Variants in PM20D2 observed in about 807,000 individuals in gnomAD.
PM20D2 encodes the protein xaa-Arg dipeptidase.
In PM20D2, 33 loss-of-function variants were observed where a neutral mutation model predicts 42.9. The observed-to-expected ratio is 0.77, with a 90% confidence interval of 0.58 to 1.03. The LOEUF (loss-of-function observed/expected upper bound fraction) is 1.03, where lower values mean the gene tolerates loss of function less well. PM20D2 is among the 50% of genes least tolerant of loss of function. The probability of loss-of-function intolerance (pLI) is 0.00; values close to 1 mark genes in which losing one functional copy is unlikely to be tolerated. For synonymous variants in PM20D2, 250 were observed against 228.2 expected (o/e 1.10, Z -0.86); for missense variants, 548 against 557.0 (o/e 0.98, Z 0.16).
chr6:89,152,969 AATTCTGACTACCTGG>A (rs1770904580), intron 2 of PM20D2, 59 bp from the exon 3 acceptor site: 1 of 1,250,752 alleles, frequency 8.0e-7, no homozygotes, highest in Admixed American at 2.5e-5. Context: ...GTAGTTGGGT[AATTCTGACTACCTGG>A]ATTTTCTTAC....
chr6:89,146,239 A>C lies in PM20D2; in HGVS notation c.95A>C (p.Asp32Ala), dbSNP rs767997878. 1.9e-6 allele frequency: 3 copies of C among 1,580,724 alleles called. No homozygotes were observed. The highest frequency in any genetic ancestry group is 2.6e-6 in the Non-Finnish European group (3 of 1,171,220). Residue 32 changes from aspartate (D) to alanine (A), a missense_variant, in exon 1 of 7, where the codon GAC becomes GCC. Around this residue, in one of 3 missense-constraint regions of PM20D2, gnomAD observed 470 missense variants for 464.4 expected, o/e 1.01. Coordinates refer to ENST00000275072, the MANE Select transcript of PM20D2 (RefSeq NM_001010853.3). ...AAGCTGCGCTCGGCGGAGTGCATCG[A>C]CGAGGCGGCCGAGCGGCTGGGGGCC... ...LLKLRSAECI[D>A]EAAERLGALS...
intron 2 of PM20D2, among the ~76,000 whole-genome samples, chr6:89,150,814 A>G (rs1283779972): frequency 6.7e-6 from 1 of 149,034 alleles, no homozygotes; most frequent in Non-Finnish European, 1.5e-5. Context: ...TGCTGGGGTT[A>G]CAGGCATGAG....
chr6:89,142,728 G>A (rs1349119442), upstream of PM20D2, among the ~76,000 whole-genome samples: 1 of 152,060 alleles, frequency 6.6e-6, no homozygotes, highest in African/African-American at 2.4e-5. Context: ...CGCGATCTCG[G>A]CTCACTGCAA....
chr6:89,164,720 A>G lies in PM20D2; in HGVS notation c.*2457A>G, dbSNP rs1771352639. On this transcript the variant is annotated 3_prime_UTR_variant, in exon 7 of 7. Transcript: ENST00000275072. ...GGAAATTGTAGAAAACTGAAAGAAA[A>G]CAAGACAAAATGTCTATGGTAGGGA... 6.6e-6 allele frequency: 1 copy of G among 152,482 alleles called. No homozygotes were observed. Among genetic ancestry groups the G allele is most frequent in the Non-Finnish European group, 1.5e-5 (1 of 67,978 alleles). 9.4% of individuals were successfully genotyped at this position (152,482 alleles called of 1,614,324 possible). A position where few individuals can be genotyped will look rare whatever the true frequency, so the allele number is the denominator to read the frequency against.
chr6:89,163,350 A>AT lies in PM20D2; in HGVS notation c.*1094dup, dbSNP rs1257873155. 9 of 151,986 alleles carry AT rather than the reference A, an allele frequency of 5.9e-5. No individual in the cohort carries two copies. In the East Asian group the frequency reaches 1.7e-3, roughly 29 times the overall value. The allele number at this position is 151,986 out of a possible 1,614,324, so 9.4% of individuals were successfully genotyped here. A position where few individuals can be genotyped will look rare whatever the true frequency, so the allele number is the denominator to read the frequency against. ...AAACCTCTTTTTTAAAAAAATTTTT[A>AT]TTTTTTTACATAATAGAGACAGGGG... On this transcript the variant is annotated 3_prime_UTR_variant, in exon 7 of 7. Transcript: ENST00000275072.
At chr6:89,155,142 C>G (rs1491004370) in intron 4 of PM20D2, among the ~76,000 whole-genome samples, 1 of 150,618 alleles carries the variant, frequency 6.6e-6, no homozygotes. Flanking sequence ...TCTGATACTT[C>G]TATGCTAGAA....
chr6:89,154,270 G>T (rs939916862), intron 3 of PM20D2, among the ~76,000 whole-genome samples: 7 of 152,026 alleles, frequency 4.6e-5, no homozygotes, highest in African/African-American at 1.7e-4. Context: ...AATACTTAGT[G>T]ATCTTTGACC....
chr6:89,117,747 C>T, the PM20D2 span: 1 of 1,417,418 alleles, frequency 7.1e-7, no homozygotes, highest in Non-Finnish European at 9.3e-7. Flanking sequence ...CTCCGCCGGG[C>T]CTCGGCCGTG....
At chr6:89,158,259 G>A in intron 4 of PM20D2, 66 bp from the exon 5 acceptor site, 1 of 1,407,948 alleles carries the variant, frequency 7.1e-7, no homozygotes, top group Non-Finnish European at 9.7e-7. Flanking sequence ...AACAATCACT[G>A]GTTTGAAAAT....
chr6:89,140,194 T>G, the PM20D2 span, among the ~76,000 whole-genome samples: 1 of 152,184 alleles, frequency 6.6e-6, no homozygotes, highest in Non-Finnish European at 1.5e-5. Context: ...GCAATCCTCT[T>G]GCCTTGGCCT....
the PM20D2 span, among the ~76,000 whole-genome samples, chr6:89,099,737 G>A: frequency 4.0e-3 from 604 of 152,098 alleles, 10 homozygotes; most frequent in African/African-American, 0.014. Context: ...ATTTCTCCAT[G>A]TTGGTCAGGC....
At position 89,146,474 on chromosome 6, in the gene PM20D2, C is replaced by T. The variant is rs1582329164; in HGVS notation, c.330C>T (p.Phe110=). 6.6e-7 allele frequency: 1 copy of T among 1,524,284 alleles called. No individual in the cohort carries two copies. Among genetic ancestry groups the T allele is most frequent in the Non-Finnish European group, 8.7e-7 (1 of 1,143,150 alleles). 94.4% of individuals were successfully genotyped at this position (1,524,284 alleles called of 1,614,324 possible). The change falls in exon 1 of 7, where the codon TTC becomes TTT. Residue 110 remains phenylalanine (F), a synonymous_variant. Transcript: ENST00000275072. ...CGCCACGCCCGCTGCACCTGGGCTT[C>T]CTCTGCGAGTACGACGCGCTGCCCG... ...SATPRPLHLG[F]LCEYDALPGI... is the part of the protein sequence containing the mutation.
rs536504865 is a variant in PM20D2, at chr6:89,146,300, C to T, written c.156C>T (p.Ala52=). The change falls in exon 1 of 7, where the codon GCC becomes GCT. Residue 52 remains alanine, a synonymous_variant. Coordinates refer to ENST00000275072, the MANE Select transcript of PM20D2 (RefSeq NM_001010853.3). ...SRAIWSQPEL[A]YEEHHAHRVL... ...CGATCTGGAGCCAGCCCGAGCTGGCCTACGAGGAGCACCATGCCCACCGCG... is the reference window on the plus strand; with the variant it reads ...CGATCTGGAGCCAGCCCGAGCTGGCTTACGAGGAGCACCATGCCCACCGCG... 6.3e-7 allele frequency: 1 copy of T among 1,581,956 alleles called. No individual in the cohort carries two copies. The highest frequency in any genetic ancestry group is 1.4e-5 in the African/African-American group (1 of 74,062).
the PM20D2 span, among the ~76,000 whole-genome samples, chr6:89,123,781 T>C: frequency 6.6e-6 from 1 of 150,474 alleles, no homozygotes; most frequent in Non-Finnish European, 1.5e-5. Context: ...GGCTCATGCC[T>C]GTAATCCCCG....
At chr6:89,124,740 T>TTTTTTTG in the PM20D2 span, among the ~76,000 whole-genome samples, 17 of 140,538 alleles carry the variant, frequency 1.2e-4, no homozygotes, top group East Asian at 2.0e-3. Context: ...GTTGTTGTTT[T>TTTTTTTG]TTTTTTTTTT....
upstream of PM20D2, among the ~76,000 whole-genome samples, chr6:89,145,264 A>T (rs947265973): frequency 1.5e-4 from 23 of 152,186 alleles, no homozygotes; most frequent in African/African-American, 4.3e-4. Context: ...TAATTAAAAA[A>T]CTCAGTTATA....
chr6:89,131,148 C>G, the PM20D2 span, among the ~76,000 whole-genome samples: 2 of 151,998 alleles, frequency 1.3e-5, no homozygotes, highest in African/African-American at 4.8e-5. Context: ...TGAGGTCTCA[C>G]TCTTCTTATA....
the PM20D2 span, among the ~76,000 whole-genome samples, chr6:89,106,254 A>C: frequency 2.0e-5 from 3 of 149,124 alleles, no homozygotes; most frequent in Non-Finnish European, 3.0e-5. Context: ...CTGGGACTAC[A>C]GGTGCCCGGC....
intron 4 of PM20D2, among the ~76,000 whole-genome samples, chr6:89,157,136 G>A (rs1217823393): frequency 6.6e-6 from 1 of 151,852 alleles, no homozygotes; most frequent in African/African-American, 2.4e-5. Flanking sequence ...TCCCTGTGTT[G>A]CCCAGGCTGG....
Sources: gnomAD v4.1 joint callset for allele counts (sites outside exome capture counted in the v4.1 genomes callset) on GRCh38, gnomAD v4.1.1 for gene constraint, gnomAD v4.1.1 regional missense constraint, MANE v1.5 for transcripts, NCBI Gene and HGNC (gene_info 2026-07-23, HGNC 2026-07-21) for gene names.